Variants in COL19A1 observed in about 807,000 individuals in gnomAD.
COL19A1 encodes the protein collagen type XIX alpha 1 chain, also known as collagen alpha-1(XIX) chain.
Under a neutral mutation model 190.2 loss-of-function variants are expected in COL19A1, and 159 were observed. That is an observed-to-expected ratio of 0.84 (90% confidence interval 0.73 to 0.95). The LOEUF is 0.95. COL19A1 is among the 40% of genes least tolerant of loss of function. The pLI, the probability that COL19A1 is intolerant of heterozygous loss-of-function variation, is 0.00. For synonymous variants in COL19A1, 509 were observed against 458.9 expected, an observed-to-expected ratio of 1.11 and a Z score of -1.39; for missense variants, 1,418 against 1,431.9, an observed-to-expected ratio of 0.99 and a Z score of 0.16.
intron 11 of COL19A1, among the ~76,000 whole-genome samples, chr6:70,010,006 G>C (rs550773444): frequency 6.6e-6 from 1 of 152,068 alleles, no homozygotes; most frequent in Non-Finnish European, 1.5e-5. Flanking sequence ...AGAAAATACA[G>C]AATAAATACT....
intron 15 of COL19A1, among the ~76,000 whole-genome samples, chr6:70,087,784 T>C (rs1782672160): frequency 6.6e-6 from 1 of 152,176 alleles, no homozygotes; most frequent in Non-Finnish European, 1.5e-5. Context: ...GCAAGAAAAC[T>C]GGTGACTATA....
At chr6:69,921,513 T>TATTCATATATATTC (rs1561998804) in intron 4 of COL19A1, among the ~76,000 whole-genome samples, 1 of 14,692 alleles carries the variant, frequency 6.8e-5, no homozygotes, top group Non-Finnish European at 1.4e-4. Flanking sequence ...TATATTCATA[T>TATTCATATATATTC]GTATATTCAT....
At position 69,930,907 on chromosome 6, in the gene COL19A1, A is replaced by G. The variant is rs3805958; in HGVS notation, c.666+1207A>G. On this transcript the variant is annotated intron_variant, in intron 6 of 50. Transcript: ENST00000620364. ...GGATATAGGTAAAAACCGTGGTATTACAGTGGTTTCATAATTTCATGTGGA... is the reference window on the plus strand; with the variant it reads ...GGATATAGGTAAAAACCGTGGTATTGCAGTGGTTTCATAATTTCATGTGGA... Among the ~76,000 whole-genome samples, 10 of 152,344 alleles carry G rather than the reference A, an allele frequency of 6.6e-5. No individual in the cohort carries two copies. The East Asian group carries it at 1.9e-3, about 29-fold the overall frequency.
intron 9 of COL19A1, among the ~76,000 whole-genome samples, chr6:69,957,119 G>A (rs1774469363): frequency 6.6e-6 from 1 of 151,894 alleles, no homozygotes; most frequent in Non-Finnish European, 1.5e-5. Context: ...TTTATCAAAT[G>A]TCCTTCAGAC....
At chr6:69,923,026 A>T (rs973428928) in intron 4 of COL19A1, among the ~76,000 whole-genome samples, 4 of 152,132 alleles carry the variant, frequency 2.6e-5, no homozygotes, top group Admixed American at 6.6e-5. Flanking sequence ...GAAGAGAAAA[A>T]ATGTTTTTAT....
rs545691557 is a variant in COL19A1, at chr6:69,922,782, C to G, written c.267-5127C>G. 2.0e-5 allele frequency among the ~76,000 whole-genome samples: 3 copies of G among 152,164 alleles called. No homozygotes were observed. The South Asian group carries it at 6.2e-4, about 32-fold the overall frequency. Reference sequence around the variant, plus strand: ...TGGTGTGAGCCACCACACCCGACCTCTATTTAGTTTTTGTTTATTAAACAT... The same window carrying G: ...TGGTGTGAGCCACCACACCCGACCTGTATTTAGTTTTTGTTTATTAAACAT... On this transcript the variant is annotated intron_variant, in intron 4 of 50. Coordinates refer to ENST00000620364, the MANE Select transcript of COL19A1 (RefSeq NM_001858.6).
intron 25 of COL19A1, among the ~76,000 whole-genome samples, chr6:70,145,838 A>T (rs1786601782): frequency 6.8e-6 from 1 of 147,900 alleles, no homozygotes. Flanking sequence ...CTCCCACCCC[A>T]GCCTCCTGAA....
In COL19A1 at chr6:70,180,318, C is replaced by T. The variant is rs768107458; in HGVS notation, c.2674C>T (p.Pro892Ser). 1 of 1,614,002 alleles carries T rather than the reference C, an allele frequency of 6.2e-7. No homozygotes were observed. Among genetic ancestry groups the T allele is most frequent in the Admixed American group, 1.7e-5 (1 of 60,006 alleles). ...PPGIAGMSGK[P>S]GAPGPPGVPG... ...CTTCAATTTGCCTTGCCAGGGAAAACCTGGTGCCCCAGGGCCTCCAGGAGT... is the reference window on the plus strand; with the variant it reads ...CTTCAATTTGCCTTGCCAGGGAAAATCTGGTGCCCCAGGGCCTCCAGGAGT... Residue 892 changes from proline to serine, a missense_variant, in exon 43 of 51, where the codon CCT becomes TCT. By Grantham distance (74) the Pro-to-Ser change is moderately conservative. Coordinates refer to ENST00000620364, the MANE Select transcript of COL19A1 (RefSeq NM_001858.6).
At chr6:70,191,889 C>T (rs951068477) in intron 48 of COL19A1, among the ~76,000 whole-genome samples, 13 of 152,102 alleles carry the variant, frequency 8.5e-5, no homozygotes, top group African/African-American at 3.1e-4. Context: ...AGGTCTTCTC[C>T]AAGGAGTCTT....
Position 70,188,123 on chromosome 6 carries a change from A to G in COL19A1, c.2905A>G (p.Lys969Glu). Residue 969 changes from lysine to glutamate, a missense_variant, in exon 47 of 51, where the codon AAA becomes GAA. Lys to Glu is a moderately conservative substitution (Grantham distance 56, BLOSUM62 1). Coordinates refer to ENST00000620364, the MANE Select transcript of COL19A1 (RefSeq NM_001858.6). Reference protein sequence around the residue: ...GDRGSQGERGKPGLTGMKGAI... With the variant: ...GDRGSQGERGEPGLTGMKGAI... Reference sequence around the variant, plus strand: ...CAGAGGCTCACAAGGTGAACGGGGAAAACCAGGCCTTACAGGCATGAAGGG... The same window carrying G: ...CAGAGGCTCACAAGGTGAACGGGGAGAACCAGGCCTTACAGGCATGAAGGG... 2 of 1,613,852 alleles carry G rather than the reference A, an allele frequency of 1.2e-6. No homozygotes were observed. Among genetic ancestry groups the G allele is most frequent in the Non-Finnish European group, 1.7e-6 (2 of 1,179,884 alleles).
chr6:70,057,257 A>G (rs531580858), intron 14 of COL19A1, among the ~76,000 whole-genome samples: 1 of 152,244 alleles, frequency 6.6e-6, no homozygotes, highest in East Asian at 1.9e-4. Context: ...ACTTGCATAA[A>G]TCATTAAGAC....
At chr6:69,937,460 A>G (rs1312056304) in intron 8 of COL19A1, among the ~76,000 whole-genome samples, 1 of 152,110 alleles carries the variant, frequency 6.6e-6, no homozygotes, top group Non-Finnish European at 1.5e-5. Flanking sequence ...AGGCTGTGCC[A>G]TGGACCTTTA....
chr6:69,960,029 C>T lies in COL19A1; in HGVS notation c.970C>T (p.Pro324Ser), dbSNP rs142222422. The change falls in exon 10 of 51, where the codon CCT becomes TCT. Residue 324 changes from proline (P) to serine (S), a missense_variant. By Grantham distance (74) the Pro-to-Ser change is moderately conservative (BLOSUM62 -1). Transcript: ENST00000620364. ...TGGTTTACATGGTGCTCCAGGATTC[C>T]CTGGTCAAAAGGTAAAGAGTTCTTG... ...ENGLHGAPGF[P>S]GQKGEQGFEG... The T allele has an allele frequency of 1.2e-6, 2 of 1,612,942 alleles. No homozygotes were observed. The highest frequency in any genetic ancestry group is 1.7e-6 in the Non-Finnish European group (2 of 1,179,524).
chr6:70,078,604 A>G (rs1245313713), intron 15 of COL19A1, among the ~76,000 whole-genome samples: 1 of 150,670 alleles, frequency 6.6e-6, no homozygotes, highest in Non-Finnish European at 1.5e-5. Context: ...GGGTGTAGAT[A>G]GAAGCTTGTA....
intron 11 of COL19A1, among the ~76,000 whole-genome samples, chr6:69,972,486 A>G (rs539675454): frequency 1.3e-5 from 2 of 152,306 alleles, no homozygotes; most frequent in African/African-American, 4.8e-5. Flanking sequence ...ACTGTGGGGA[A>G]GTATTATAGA....
chr6:70,131,588 T>C (rs541426077), intron 18 of COL19A1, among the ~76,000 whole-genome samples: 24 of 152,278 alleles, frequency 1.6e-4, no homozygotes, highest in Admixed American at 1.6e-3. Flanking sequence ...TCCTGTAACC[T>C]AATAGCTAAC....
chr6:69,883,480 G>A (rs770981778), intron 2 of COL19A1, among the ~76,000 whole-genome samples: 8 of 152,154 alleles, frequency 5.3e-5, no homozygotes, highest in Admixed American at 1.3e-4. Flanking sequence ...ATTGAATATT[G>A]TCATATTGTA....
At chr6:70,046,468 T>C (rs995079403) in intron 14 of COL19A1, among the ~76,000 whole-genome samples, 3 of 152,204 alleles carry the variant, frequency 2.0e-5, no homozygotes, top group African/African-American at 7.2e-5. Context: ...TTCTCTTTCT[T>C]TCTGATTTTA....
chr6:70,163,330 T>C lies in COL19A1; in HGVS notation c.2347-13T>C. ...TGTTGTTTCTGTAACAAACTTAGTT[T>C]TGTGTTTTACAGGGCTTAATGGGAA... On this transcript the variant is annotated splice_polypyrimidine_tract_variant and intron_variant, in intron 35 of 50. Transcript: ENST00000620364. The C allele has an allele frequency of 6.2e-7, 1 of 1,611,148 alleles. No homozygotes were observed. Among genetic ancestry groups the C allele is most frequent in the East Asian group, 2.2e-5 (1 of 44,480 alleles).
Sources: gnomAD v4.1 joint callset for allele counts (sites outside exome capture counted in the v4.1 genomes callset) on GRCh38, gnomAD v4.1.1 for gene constraint, MANE v1.5 for transcripts, NCBI Gene and HGNC (gene_info 2026-07-23, HGNC 2026-07-21) for gene names.